Variants in DNAH3 observed in about 807,000 individuals in gnomAD.
The protein encoded by DNAH3 is axonemal beta dynein heavy chain 3.
DNAH3 carries 332 observed loss-of-function variants against 432.5 expected under a neutral mutation model. The ratio of observed to expected loss-of-function variants is 0.77; its 90% CI spans 0.70 to 0.84. The LOEUF is 0.84. DNAH3 is among the 40% of genes least tolerant of loss of function. The pLI is 0.00. For missense variants in DNAH3, 4,861 were observed against 5,114.0 expected (o/e 0.95, Z 1.51); for synonymous variants, 1,956 against 1,900.2 (o/e 1.03, Z -0.76).
intron 55 of DNAH3, 69 bp from the exon 56 acceptor site, chr16:20,952,618 G>T: frequency 9.9e-7 from 1 of 1,009,374 alleles, no homozygotes; most frequent in Non-Finnish European, 1.6e-6. Context: ...AGACCAAGCC[G>T]AGGGAGTTAA....
rs1306892669 is a variant in DNAH3 at position 20,965,056 on chromosome 16, A to G, written c.8828T>C (p.Phe2943Ser). ...CTTTTTCTTGGTGTTCATCTCTTCA[A>G]AGTCGTCATTCAGGGCCTGGAGCCG... The change falls in exon 53 of 62, where the codon TTT becomes TCT. Residue 2943 changes from phenylalanine (F) to serine (S), a missense_variant. Coordinates refer to ENST00000261383, the Ensembl canonical transcript of DNAH3. 5 of 1,613,794 alleles carry G rather than the reference A, an allele frequency of 3.1e-6. No individual in the cohort carries two copies. The African/African-American group carries it at 6.7e-5, about 22-fold the overall frequency.
At chr16:21,126,446 T>G (rs188431898) in intron 8 of DNAH3, among the ~76,000 whole-genome samples, 1 of 152,338 alleles carries the variant, frequency 6.6e-6, no homozygotes, top group South Asian at 2.1e-4. Context: ...GGTATTATTA[T>G]CACTGTTTTA....
At chr16:21,023,261 G>C (rs1452844039) in intron 39 of DNAH3, among the ~76,000 whole-genome samples, 1 of 152,138 alleles carries the variant, frequency 6.6e-6, no homozygotes, top group East Asian at 1.9e-4. Flanking sequence ...TCTACTAATT[G>C]CACGGTAGTA....
chr16:21,076,517 A>T (rs754527558), intron 20 of DNAH3, among the ~76,000 whole-genome samples: 3 of 152,190 alleles, frequency 2.0e-5, no homozygotes, highest in Non-Finnish European at 2.9e-5. Flanking sequence ...ACCCCAGCAG[A>T]CCAGACCAAA....
At chr16:21,159,287 A>G (rs2092934272) in intron 1 of DNAH3, 2 of 1,557,272 alleles carry the variant, frequency 1.3e-6, no homozygotes, top group Admixed American at 1.7e-5. Flanking sequence ...CCCATTATTC[A>G]GTCTCTGTGC....
intron 7 of DNAH3, among the ~76,000 whole-genome samples, chr16:21,132,538 A>C (rs1431631369): frequency 6.6e-6 from 1 of 152,240 alleles, no homozygotes; most frequent in Non-Finnish European, 1.5e-5. Context: ...ATAGCCATCC[A>C]ATGGATTAGT....
At chr16:20,987,796 T>C (rs1202247192) in exon 46 of DNAH3, 1 of 1,614,004 alleles carries the variant, frequency 6.2e-7, no homozygotes, top group Non-Finnish European at 8.5e-7. Flanking sequence ...CAAGAAGTTC[T>C]CCACTGCATC....
exon 51 of DNAH3, chr16:20,975,338 C>T (rs2152647955): frequency 6.2e-7 from 1 of 1,614,170 alleles, no homozygotes; most frequent in East Asian, 2.2e-5. Context: ...CAATTTTCAC[C>T]ATCATCTTGG....
In DNAH3 at chr16:20,979,988, G is replaced by A. The variant is rs1340124245; in HGVS notation, c.7860-442C>T. Among the ~76,000 whole-genome samples the A allele has an allele frequency of 3.3e-5, 5 of 151,794 alleles. No individual in the cohort carries two copies. In the East Asian group the frequency reaches 9.7e-4, roughly 29 times the overall value. On this transcript the variant is annotated intron_variant, in intron 49 of 61. Coordinates refer to ENST00000261383, the Ensembl canonical transcript of DNAH3. ...TAGTCTGAAACTCCTGACCTCAGGT[G>A]ATCTGCCCACCTTGGCCTCCCAAAG... is the stretch of plus-strand genomic sequence containing the variant.
intron 17 of DNAH3, among the ~76,000 whole-genome samples, chr16:21,098,215 G>T (rs2091738569): frequency 6.6e-6 from 1 of 152,074 alleles, no homozygotes; most frequent in African/African-American, 2.4e-5. Flanking sequence ...GATGAGGCAG[G>T]TGGATCACTT....
intron 3 of DNAH3, 123 bp from the exon 5 acceptor site, chr16:21,141,495 G>A (rs2092718769): frequency 3.0e-6 from 2 of 667,576 alleles, no homozygotes. Context: ...ATGGTACGGT[G>A]TGACGTGGCA....
At chr16:21,002,589 G>A (rs1021692037) in intron 42 of DNAH3, among the ~76,000 whole-genome samples, 20 of 152,068 alleles carry the variant, frequency 1.3e-4, no homozygotes, top group Non-Finnish European at 2.6e-4. Flanking sequence ...AGCCTCCCAA[G>A]TAGCTGGGAT....
intron 28 of DNAH3, among the ~76,000 whole-genome samples, chr16:21,053,246 T>C (rs746944047): frequency 1.3e-5 from 2 of 152,194 alleles, no homozygotes; most frequent in Non-Finnish European, 2.9e-5. Context: ...AAGAAGATTA[T>C]ATCCACAGCT....
chr16:21,008,233 T>A (rs2087414213), intron 41 of DNAH3, among the ~76,000 whole-genome samples: 1 of 152,184 alleles, frequency 6.6e-6, no homozygotes, highest in African/African-American at 2.4e-5. Flanking sequence ...TGTGCATGAT[T>A]GCCTTACCAT....
At chr16:20,987,219 C>T in intron 47 of DNAH3, 86 bp downstream of exon 47, 1 of 1,538,144 alleles carries the variant, frequency 6.5e-7, no homozygotes, top group East Asian at 2.3e-5. Context: ...CAGTCTCCAA[C>T]AGGAAGGGAA....
At chr16:21,053,163 C>A (rs1215871599) in intron 28 of DNAH3, among the ~76,000 whole-genome samples, 1 of 152,130 alleles carries the variant, frequency 6.6e-6, no homozygotes, top group East Asian at 1.9e-4. Context: ...TTCCATTGAG[C>A]CTTTCCTTCC....
chr16:21,028,044 A>G (rs1418907431), intron 37 of DNAH3, among the ~76,000 whole-genome samples: 2 of 152,122 alleles, frequency 1.3e-5, no homozygotes, highest in African/African-American at 4.8e-5. Flanking sequence ...CTGAAATACA[A>G]TGACACATTT....
exon 53 of DNAH3, chr16:20,963,930 G>A (rs1207434126): frequency 3.1e-6 from 5 of 1,614,148 alleles, no homozygotes; most frequent in Non-Finnish European, 4.2e-6. Context: ...GGGAGTACTG[G>A]TACATCGGCT....
intron 35 of DNAH3, 21 bp from the exon 36 acceptor site, chr16:21,034,106 T>C (rs1314261739): frequency 1.1e-5 from 17 of 1,517,304 alleles, no homozygotes; most frequent in Non-Finnish European, 1.6e-5. Flanking sequence ...ACATCATTCA[T>C]AAAAGAAGCT....
Sources: gnomAD v4.1 joint callset for allele counts (sites outside exome capture counted in the v4.1 genomes callset) on GRCh38, gnomAD v4.1.1 for gene constraint, MANE v1.5 for transcripts, NCBI Gene and HGNC (gene_info 2026-07-23, HGNC 2026-07-21) for gene names.